VDR: variants seen among roughly 807,000 people sequenced by gnomAD.
The protein encoded by VDR is vitamin D receptor.
A neutral mutation model predicts 39.7 loss-of-function variants in VDR; 19 were observed. The ratio of observed to expected loss-of-function variants is 0.48; its 90% confidence interval spans 0.33 to 0.70. The LOEUF (loss-of-function observed/expected upper bound fraction) is 0.70, where lower values mean the gene tolerates loss of function less well. Ranked by LOEUF, VDR falls within the 30% of genes least tolerant of loss-of-function variation. The pLI is 0.02. For synonymous variants in VDR, 242 were observed against 215.8 expected (o/e 1.12, Z -1.07); for missense variants, 442 against 570.5 (o/e 0.77, Z 2.29).
chr12:47,853,367 C>T (rs1056418449), intron 7 of VDR, among the ~76,000 whole-genome samples: 7 of 151,538 alleles, frequency 4.6e-5, no homozygotes, highest in African/African-American at 1.5e-4. Flanking sequence ...GGCGTGAACC[C>T]GGGAGGCGGA....
intron 3 of VDR, among the ~76,000 whole-genome samples, chr12:47,874,808 G>A (rs1404678489): frequency 3.9e-5 from 6 of 152,088 alleles, no homozygotes; most frequent in South Asian, 2.1e-4. Context: ...ATCAGACTCC[G>A]GACGAAGCCA....
At chr12:47,886,466 G>C (rs1001887772) in intron 1 of VDR, among the ~76,000 whole-genome samples, 1 of 152,136 alleles carries the variant, frequency 6.6e-6, no homozygotes, top group African/African-American at 2.4e-5. Flanking sequence ...GTCCAGAACA[G>C]TCTCAGTACC....
Position 47,844,570 on chromosome 12 carries a change from G to A in VDR, c.*176C>T. ...TCAAGGGACCGGGGAAAAGCCCGCA[G>A]GAAAGGGGTTAGGTTGGACAGGAGA... is the stretch of plus-strand genomic sequence containing the variant. On this transcript the variant is annotated 3_prime_UTR_variant, in exon 10 of 10. Transcript: ENST00000549336. 1 of 849,494 alleles carries A rather than the reference G, an allele frequency of 1.2e-6. No individual in the cohort carries two copies. The highest frequency in any genetic ancestry group is 1.8e-6 in the Non-Finnish European group (1 of 556,608). 52.6% of individuals were successfully genotyped at this position (849,494 alleles called of 1,614,324 possible).
rs187057937 is a variant in VDR at position 47,853,854 on chromosome 12, G to A, written c.755+1776C>T. On this transcript the variant is annotated intron_variant, in intron 7 of 9. Transcript: ENST00000549336. The stretch of plus-strand genomic sequence containing the variant: ...GGAGAATTGCTTGAACCTGGAAGGC[G>A]GAGGTTGCAGTGAGCTGAGATCGCG... Among the ~76,000 whole-genome samples the A allele has an allele frequency of 3.7e-4, 57 of 152,140 alleles. No homozygotes were observed. The East Asian group carries it at 7.2e-3, about 19-fold the overall frequency.
At chr12:47,867,316 T>C (rs1354629401) in intron 3 of VDR, among the ~76,000 whole-genome samples, 8 of 151,838 alleles carry the variant, frequency 5.3e-5, no homozygotes, top group African/African-American at 1.9e-4. Flanking sequence ...ATTGTGCCAC[T>C]GCATTCTAGC....
In VDR at chr12:47,868,580, G is replaced by A. The variant is rs181391087; in HGVS notation, c.147-3403C>T. Among the ~76,000 whole-genome samples, 110 of 152,276 alleles carry A rather than the reference G, an allele frequency of 7.2e-4. 1 individual carries two copies. Among genetic ancestry groups the A allele is most frequent in the Non-Finnish European group, 2.2e-4 (15 of 68,012 alleles). On this transcript the variant is annotated intron_variant, in intron 3 of 9. Coordinates refer to ENST00000549336, the MANE Select transcript of VDR (RefSeq NM_000376.3). ...GGAACTGTTAGGGTTCCCCAGAAAC[G>A]AGATACAATTATCCCCACAGGGACA... is the stretch of plus-strand genomic sequence containing the variant.
chr12:47,886,945 T>A (rs1016302514), intron 1 of VDR, among the ~76,000 whole-genome samples: 1 of 151,950 alleles, frequency 6.6e-6, no homozygotes, highest in Non-Finnish European at 1.5e-5. Context: ...TAGACAAAGC[T>A]ACTAGGCCAT....
rs1555153540 is a variant in VDR, at chr12:47,871,338, C to CTTTCTTTCTTTCTTTCTTTCTTTCT, written c.147-6162_147-6161insAGAAAGAAAGAAAGAAAGAAAGAAA. ...TCTTTCTTTCTTTCTTTCTTTCTTT[C>CTTTCTTTCTTTCTTTCTTTCTTTCT]TTTCTTTCTTTCTTTCTTTCCTTTC... On this transcript the variant is annotated intron_variant, in intron 3 of 9. Transcript: ENST00000549336. 1.2e-3 allele frequency among the ~76,000 whole-genome samples: 172 copies of CTTTCTTTCTTTCTTTCTTTCTTTCT among 145,498 alleles called. 2 individuals carry two copies. Among genetic ancestry groups the CTTTCTTTCTTTCTTTCTTTCTTTCT allele is most frequent in the African/African-American group, 4.0e-3 (159 of 39,432 alleles).
rs731236 is a variant in VDR, at chr12:47,844,974, A to T, written c.1056T>A (p.Ile352=). The T allele has an allele frequency of 6.2e-7, 1 of 1,613,236 alleles. No homozygotes were observed. The highest frequency in any genetic ancestry group is 2.2e-5 in the East Asian group (1 of 44,834). Residue 352 remains isoleucine (I), a synonymous_variant, in exon 10 of 10, where the codon ATT becomes ATA. Transcript: ENST00000549336. ...TGGACAGGCGGTCCTGGATGGCCTCAATCAGCGCGGCGTCCTGCACCCCAG... is the reference window on the plus strand; with the variant it reads ...TGGACAGGCGGTCCTGGATGGCCTCTATCAGCGCGGCGTCCTGCACCCCAG... ...DRPGVQDAAL[I]EAIQDRLSNT... is the part of the protein sequence containing the mutation.
In VDR at chr12:47,857,487, CCA is replaced by C; in HGVS notation, c.462+15_462+16del. 1 of 1,614,164 alleles carries C rather than the reference CCA, an allele frequency of 6.2e-7. No individual in the cohort carries two copies. The highest frequency in any genetic ancestry group is 1.1e-5 in the South Asian group (1 of 91,080). On this transcript the variant is annotated intron_variant, in intron 5 of 9. Coordinates refer to ENST00000549336, the MANE Select transcript of VDR (RefSeq NM_000376.3). The stretch of plus-strand genomic sequence containing the variant: ...TTCTCCTCTGGACCGGCTCATCCTC[CCA>C]GCAGGCAGACATACCCGGAACTGGC...
At chr12:47,859,969 TTC>T (rs1263253872) in intron 4 of VDR, among the ~76,000 whole-genome samples, 1,479 of 142,228 alleles carry the variant, frequency 0.01, 54 homozygotes, top group African/African-American at 0.038. Context: ...CTTTCTTTCT[TTC>T]TTTCTTTCTT....
chr12:47,866,723 C>G (rs1273562713), intron 3 of VDR, among the ~76,000 whole-genome samples: 1 of 152,220 alleles, frequency 6.6e-6, no homozygotes, highest in African/African-American at 2.4e-5. Context: ...GGCACAGTGG[C>G]TCAGGCCTGT....
intron 1 of VDR, chr12:47,899,779 C>T (rs940760207): frequency 3.8e-6 from 2 of 522,886 alleles, no homozygotes; most frequent in East Asian, 1.5e-4. Context: ...CAGGTGGCTG[C>T]ATCTCTTTAG....
chr12:47,885,313 AG>A (rs940461517), intron 1 of VDR, among the ~76,000 whole-genome samples: 6 of 152,234 alleles, frequency 3.9e-5, no homozygotes, highest in African/African-American at 1.4e-4. Flanking sequence ...ACCTTGCCTT[AG>A]CAAGAAATGA....
At chr12:47,888,724 T>C (rs1946307579) in intron 1 of VDR, among the ~76,000 whole-genome samples, 1 of 151,958 alleles carries the variant, frequency 6.6e-6, no homozygotes, top group Non-Finnish European at 1.5e-5. Context: ...GCCGTGAAAG[T>C]AGAACCATGG....
At chr12:47,857,108 G>C in intron 6 of VDR, 21 bp downstream of exon 6, 1 of 1,613,872 alleles carries the variant, frequency 6.2e-7, no homozygotes, top group Non-Finnish European at 8.5e-7. Flanking sequence ...TTACTCTATG[G>C]AGGACTGAAG....
chr12:47,882,623 G>GCCCCCGGGCCCCCCCCCC, intron 2 of VDR, 71 bp downstream of exon 2: 1 of 543,282 alleles, frequency 1.8e-6, no homozygotes, highest in East Asian at 3.6e-5. Context: ...ACCTTCTTAT[G>GCCCCCGGGCCCCCCCCCC]CCCCTCCCCC....
At chr12:47,890,082 A>G (rs1350851178) in intron 1 of VDR, among the ~76,000 whole-genome samples, 1 of 152,002 alleles carries the variant, frequency 6.6e-6, no homozygotes, top group Non-Finnish European at 1.5e-5. Context: ...TGGCAGGACC[A>G]AGCAACTAGA....
chr12:47,879,135 G>T lies in VDR; in HGVS notation c.-2-20C>A, dbSNP rs747749001. 6.2e-7 allele frequency: 1 copy of T among 1,612,064 alleles called. No homozygotes were observed. Among genetic ancestry groups the T allele is most frequent in the Admixed American group, 1.7e-5 (1 of 59,976 alleles). ...CCATCCCTGTAAGAACAGCAAGCAGGCCACGGTCAGAGCCAGAGTCAGTGC... is the reference window on the plus strand; with the variant it reads ...CCATCCCTGTAAGAACAGCAAGCAGTCCACGGTCAGAGCCAGAGTCAGTGC... On this transcript the variant is annotated intron_variant, in intron 2 of 9. Transcript: ENST00000549336.
Sources: allele counts gnomAD v4.1 joint callset (sites outside exome capture counted in the v4.1 genomes callset), GRCh38; gene constraint gnomAD v4.1.1; transcripts MANE v1.5; gene names NCBI Gene and HGNC (gene_info 2026-07-23, HGNC 2026-07-21).